The following VPS35L variants were observed in gnomAD, a reference collection of about 807,000 sequenced individuals.
VPS35L encodes the protein VPS35 endosomal protein sorting factor like.
Under a neutral mutation model 133.0 loss-of-function variants are expected in VPS35L, and 83 were observed. The observed-to-expected ratio is 0.62, with a 90% CI of 0.52 to 0.75. VPS35L has a LOEUF of 0.75. Among genes scored for constraint, VPS35L ranks in the 30% least tolerant of loss-of-function variants. The pLI is 0.00. For missense variants in VPS35L, 1,083 were observed against 1,206.8 expected, an observed-to-expected ratio of 0.90 and a Z score of 1.52; for synonymous variants, 423 against 449.9, an observed-to-expected ratio of 0.94 and a Z score of 0.76.
chr16:19,622,951 A>G (rs1368045519), intron 14 of VPS35L, among the ~76,000 whole-genome samples: 1 of 152,140 alleles, frequency 6.6e-6, no homozygotes, highest in African/African-American at 2.4e-5. Flanking sequence ...GATCAGCTTC[A>G]GTGCATCTTT....
At chr16:19,587,566 G>T (rs1368498134) in intron 7 of VPS35L, among the ~76,000 whole-genome samples, 1 of 151,518 alleles carries the variant, frequency 6.6e-6, no homozygotes. Flanking sequence ...CCCAGGAGGC[G>T]GAGGTTGCGG....
chr16:19,682,451 T>C, intron 28 of VPS35L, 61 bp downstream of exon 28: 1 of 1,525,976 alleles, frequency 6.6e-7, no homozygotes, highest in Non-Finnish European at 8.9e-7. Context: ...GCAGACAGAA[T>C]GCTTTCATTT....
intron 12 of VPS35L, among the ~76,000 whole-genome samples, chr16:19,610,959 G>GT (rs556199768): frequency 2.6e-5 from 4 of 152,148 alleles, no homozygotes; most frequent in Non-Finnish European, 4.4e-5. Flanking sequence ...AAGCTATTAA[G>GT]TTTTTTGTGT....
chr16:19,566,298 C>A (rs144806991), intron 2 of VPS35L, among the ~76,000 whole-genome samples: 307 of 152,274 alleles, frequency 2.0e-3, no homozygotes, highest in African/African-American at 6.8e-3. Flanking sequence ...GAGTTCGACA[C>A]CAGCCTGGCC....
intron 1 of VPS35L, among the ~76,000 whole-genome samples, chr16:19,558,457 C>A (rs1388445266): frequency 6.6e-6 from 1 of 152,220 alleles, no homozygotes; most frequent in Non-Finnish European, 1.5e-5. Context: ...TTCTGGCTTG[C>A]GGGGTTCCCC....
intron 7 of VPS35L, among the ~76,000 whole-genome samples, chr16:19,585,378 G>A (rs1177303869): frequency 6.7e-6 from 1 of 150,106 alleles, no homozygotes; most frequent in Non-Finnish European, 1.5e-5. Flanking sequence ...ACTCGGTATT[G>A]TCCATCTTTT....
intron 12 of VPS35L, 143 bp from the exon 13 acceptor site, chr16:19,615,968 AAAT>A (rs10683142): frequency 0.012 from 3,067 of 252,770 alleles, 7 homozygotes; most frequent in Middle Eastern, 0.052. Context: ...CTCCATCTCA[AAAT>A]AATAATAATA....
chr16:19,618,878 G>A (rs1462944871), intron 14 of VPS35L, among the ~76,000 whole-genome samples: 2 of 151,512 alleles, frequency 1.3e-5, no homozygotes, highest in African/African-American at 4.9e-5. Context: ...TCACTGGAGT[G>A]TGAGATTTGG....
intron 11 of VPS35L, among the ~76,000 whole-genome samples, chr16:19,609,790 G>A (rs1160665940): frequency 6.6e-6 from 1 of 152,154 alleles, no homozygotes; most frequent in Non-Finnish European, 1.5e-5. Context: ...GGGGGCTGAA[G>A]AAACATTATT....
At chr16:19,560,535 C>T (rs1970994873) in intron 1 of VPS35L, among the ~76,000 whole-genome samples, 1 of 152,170 alleles carries the variant, frequency 6.6e-6, no homozygotes. Flanking sequence ...GTGGCTCACA[C>T]CTATAATCCC....
At chr16:19,621,779 C>A (rs1247188580) in intron 14 of VPS35L, among the ~76,000 whole-genome samples, 1 of 152,228 alleles carries the variant, frequency 6.6e-6, no homozygotes, top group African/African-American at 2.4e-5. Flanking sequence ...TCCTTTATGA[C>A]AACAGAGCCT....
At chr16:19,670,790 G>T (rs1172965176) in intron 27 of VPS35L, among the ~76,000 whole-genome samples, 1 of 152,144 alleles carries the variant, frequency 6.6e-6, no homozygotes, top group Non-Finnish European at 1.5e-5. Context: ...CTCCCTGGGG[G>T]TCTGGCAGAG....
chr16:19,633,583 C>T lies in VPS35L; in HGVS notation c.1635+411C>T, dbSNP rs1273898695. ...GGAGGCTGGAGTGCAGTGGTGCGAT[C>T]ACCGCTTGGCACAGCCTCGACTTCC... is the stretch of plus-strand genomic sequence containing the variant. On this transcript the variant is annotated intron_variant, in intron 19 of 30. Coordinates refer to ENST00000417362, the MANE Select transcript of VPS35L (RefSeq NM_020314.7). This position sits in a 1 kb window ranked among gnomAD's most constrained non-coding sequence, Gnocchi z 4.1. Among the ~76,000 whole-genome samples, 1 of 152,126 alleles carries T rather than the reference C, an allele frequency of 6.6e-6. No homozygotes were observed. The highest frequency in any genetic ancestry group is 2.4e-5 in the African/African-American group (1 of 41,436).
intron 14 of VPS35L, among the ~76,000 whole-genome samples, chr16:19,619,972 C>T (rs774154636): frequency 1.2e-4 from 18 of 151,992 alleles, no homozygotes; most frequent in Admixed American, 5.2e-4. Context: ...TGGTAAAGTT[C>T]GGCTGCAGCA....
At chr16:19,647,739 TA>T in intron 23 of VPS35L, 44 bp from the exon 24 acceptor site, 1 of 1,502,890 alleles carries the variant, frequency 6.7e-7, no homozygotes, top group Non-Finnish European at 9.3e-7. Context: ...GCGTTCTCTC[TA>T]AAAATACCAC....
chr16:19,574,666 C>T (rs7195875), intron 4 of VPS35L, among the ~76,000 whole-genome samples: 10,879 of 151,710 alleles, frequency 0.072, 901 homozygotes, highest in African/African-American at 0.21. Context: ...TAATTTTTAC[C>T]CCTGGGTCAT....
intron 29 of VPS35L, among the ~76,000 whole-genome samples, chr16:19,695,723 G>A (rs1975883114): frequency 6.6e-6 from 1 of 151,934 alleles, no homozygotes; most frequent in Non-Finnish European, 1.5e-5. Flanking sequence ...AGGCTGAGGT[G>A]GGAGGATCGC....
intron 6 of VPS35L, 45 bp from the exon 7 acceptor site, chr16:19,581,480 A>C: frequency 6.7e-7 from 1 of 1,499,716 alleles, no homozygotes; most frequent in Non-Finnish European, 8.9e-7. Flanking sequence ...GTAGTCGAGC[A>C]ATGTTTTTCC....
intron 11 of VPS35L, among the ~76,000 whole-genome samples, chr16:19,609,420 A>G (rs934677457): frequency 2.0e-5 from 3 of 152,132 alleles, no homozygotes; most frequent in Non-Finnish European, 2.9e-5. Flanking sequence ...ACATGCAACA[A>G]TGAGAGTCAC....
Sources: allele counts gnomAD v4.1 joint callset (sites outside exome capture counted in the v4.1 genomes callset), GRCh38; gene constraint gnomAD v4.1.1; non-coding constraint Gnocchi (gnomAD v3.1); transcripts MANE v1.5; gene names NCBI Gene and HGNC (gene_info 2026-07-23, HGNC 2026-07-21).